The following GABRB1 variants were observed in gnomAD, a reference collection of about 807,000 sequenced individuals.
The protein encoded by GABRB1 is gamma-aminobutyric acid receptor subunit beta-1.
In GABRB1, 17 loss-of-function variants were observed where a neutral mutation model predicts 51.6. The observed-to-expected ratio is 0.33, with a 90% CI of 0.23 to 0.49. The LOEUF (loss-of-function observed/expected upper bound fraction) is 0.49, where lower values mean the gene tolerates loss of function less well. Ranked by LOEUF, GABRB1 falls within the 20% of genes least tolerant of loss-of-function variation. The pLI is 0.99. For synonymous variants in GABRB1, 247 were observed against 218.9 expected, an observed-to-expected ratio of 1.13 and a Z score of -1.14; for missense variants, 410 against 600.6, an observed-to-expected ratio of 0.68 and a Z score of 3.32.
chr4:47,221,801 A>G (rs1437634904), intron 4 of GABRB1, among the ~76,000 whole-genome samples: 1 of 152,054 alleles, frequency 6.6e-6, no homozygotes, highest in Non-Finnish European at 1.5e-5. Flanking sequence ...CAACAGACCA[A>G]TACATTTTCT....
intron 3 of GABRB1, among the ~76,000 whole-genome samples, chr4:47,091,601 T>A (rs573382785): frequency 5.3e-5 from 8 of 152,274 alleles, no homozygotes; most frequent in Admixed American, 3.9e-4. Context: ...CCCCAGAAGT[T>A]GCTCCAGCTT....
intron 1 of GABRB1, among the ~76,000 whole-genome samples, chr4:47,007,271 A>G (rs1560493892): frequency 6.6e-6 from 1 of 152,252 alleles, no homozygotes; most frequent in Non-Finnish European, 1.5e-5. Context: ...TGTAAAATGT[A>G]TTATTAAAGA....
intron 3 of GABRB1, among the ~76,000 whole-genome samples, chr4:47,074,585 A>G (rs547547704): frequency 6.6e-6 from 1 of 152,312 alleles, no homozygotes; most frequent in East Asian, 1.9e-4. Context: ...TGCTTGGTAT[A>G]TGGGATGTGC....
At chr4:47,208,279 G>T (rs777643972) in intron 4 of GABRB1, among the ~76,000 whole-genome samples, 15 of 152,002 alleles carry the variant, frequency 9.9e-5, no homozygotes, top group Admixed American at 2.0e-4. Context: ...TATATATTTG[G>T]ATTAAGCAAA....
intron 5 of GABRB1, among the ~76,000 whole-genome samples, chr4:47,402,668 C>G (rs1728436142): frequency 6.6e-6 from 1 of 152,102 alleles, no homozygotes; most frequent in African/African-American, 2.4e-5. Flanking sequence ...ACACATTCCC[C>G]TTAAATTAAC....
At chr4:47,218,290 A>G (rs1473281543) in intron 4 of GABRB1, among the ~76,000 whole-genome samples, 1 of 151,918 alleles carries the variant, frequency 6.6e-6, no homozygotes, top group Non-Finnish European at 1.5e-5. Context: ...CAGAACTGCA[A>G]TGAACATGAG....
intron 4 of GABRB1, among the ~76,000 whole-genome samples, chr4:47,229,400 A>T (rs1721061038): frequency 6.6e-6 from 1 of 152,164 alleles, no homozygotes; most frequent in African/African-American, 2.4e-5. Flanking sequence ...CACACAGTTT[A>T]TTGAATGGTT....
intron 4 of GABRB1, among the ~76,000 whole-genome samples, chr4:47,278,289 T>C (rs573356394): frequency 1.3e-5 from 2 of 152,326 alleles, no homozygotes; most frequent in South Asian, 4.1e-4. Context: ...ATTGTTTATA[T>C]ATAATTGTCA....
chr4:47,122,322 T>C (rs539453441), intron 3 of GABRB1, among the ~76,000 whole-genome samples: 2 of 152,324 alleles, frequency 1.3e-5, no homozygotes, highest in East Asian at 1.9e-4. Context: ...TAGTTCATCA[T>C]TTTTTGTAGA....
chr4:47,288,652 AC>A (rs1723604624), intron 4 of GABRB1, among the ~76,000 whole-genome samples: 2 of 152,212 alleles, frequency 1.3e-5, no homozygotes, highest in African/African-American at 4.8e-5. Flanking sequence ...ATTTGGAGGC[AC>A]CTTGTGGTAA....
chr4:47,284,187 T>C (rs1723414802), intron 4 of GABRB1, among the ~76,000 whole-genome samples: 1 of 152,080 alleles, frequency 6.6e-6, no homozygotes, highest in African/African-American at 2.4e-5. Context: ...GTCTTTTTTC[T>C]GTCCCTCGAG....
intron 3 of GABRB1, among the ~76,000 whole-genome samples, chr4:47,081,392 G>A (rs1011667863): frequency 6.6e-6 from 1 of 152,132 alleles, no homozygotes; most frequent in Admixed American, 6.6e-5. Flanking sequence ...TTATATTAAA[G>A]TAGCTTACAT....
intron 3 of GABRB1, among the ~76,000 whole-genome samples, chr4:47,034,110 T>C (rs1725451466): frequency 6.6e-6 from 1 of 152,174 alleles, no homozygotes; most frequent in Non-Finnish European, 1.5e-5. Flanking sequence ...TTTGGTATCT[T>C]GTAAGCATCC....
intron 4 of GABRB1, among the ~76,000 whole-genome samples, chr4:47,260,449 T>A (rs1722385603): frequency 1.3e-5 from 2 of 152,212 alleles, no homozygotes; most frequent in African/African-American, 4.8e-5. Context: ...TGGCATGATT[T>A]TGCAGTGGCT....
intron 4 of GABRB1, among the ~76,000 whole-genome samples, chr4:47,264,310 AG>A (rs1722564883): frequency 6.6e-6 from 1 of 152,232 alleles, no homozygotes; most frequent in African/African-American, 2.4e-5. Flanking sequence ...TTCAAAGGCT[AG>A]AAGAGTTTTA....
chr4:47,027,947 A>G (rs11935724), upstream of GABRB1, among the ~76,000 whole-genome samples: 74,045 of 151,374 alleles, frequency 0.49, 18,162 homozygotes, highest in East Asian at 0.53. Context: ...AGTATTACAA[A>G]TCATCCTTAA....
intron 4 of GABRB1, among the ~76,000 whole-genome samples, chr4:47,230,054 T>C (rs1040251025): frequency 2.6e-5 from 4 of 152,174 alleles, no homozygotes; most frequent in South Asian, 2.1e-4. Flanking sequence ...GATAACACTT[T>C]ACAAAATAGT....
chr4:47,063,960 G>T (rs1392244557), intron 3 of GABRB1, among the ~76,000 whole-genome samples: 1 of 152,136 alleles, frequency 6.6e-6, no homozygotes, highest in Non-Finnish European at 1.5e-5. Flanking sequence ...GTACTGGGTT[G>T]TGAGGTGCAG....
At chr4:47,286,128 CAGTAGGAGCTG>C (rs1723501568) in intron 4 of GABRB1, among the ~76,000 whole-genome samples, 2 of 151,950 alleles carry the variant, frequency 1.3e-5, no homozygotes, top group African/African-American at 4.8e-5. Flanking sequence ...CTGGATATAC[CAGTAGGAGCTG>C]AGTAAGAGAT....
Sources: gnomAD v4.1 joint callset for allele counts (sites outside exome capture counted in the v4.1 genomes callset) on GRCh38, gnomAD v4.1.1 for gene constraint, MANE v1.5 for transcripts, NCBI Gene and HGNC (gene_info 2026-07-23, HGNC 2026-07-21) for gene names.